SCUBE2: variants seen among roughly 807,000 people sequenced by gnomAD.
SCUBE2 encodes the protein signal peptide, CUB and EGF-like domain-containing protein 2.
A neutral mutation model predicts 125.9 loss-of-function variants in SCUBE2; 114 were observed. The ratio of observed to expected loss-of-function variants is 0.91; its 90% CI spans 0.78 to 1.06. The LOEUF (loss-of-function observed/expected upper bound fraction) is 1.06. Ranked by LOEUF, SCUBE2 falls within the 50% of genes least tolerant of loss-of-function variation. The pLI is 0.00. For missense variants in SCUBE2, 1,255 were observed against 1,301.8 expected, an observed-to-expected ratio of 0.96 and a Z score of 0.55; for synonymous variants, 459 against 492.9, an observed-to-expected ratio of 0.93 and a Z score of 0.91.
intron 4 of SCUBE2, among the ~76,000 whole-genome samples, chr11:9,070,577 A>G (rs6486128): frequency 0.042 from 6,326 of 152,248 alleles, 431 homozygotes; most frequent in African/African-American, 0.14. Context: ...GCTCTCTATC[A>G]ATGAGACACT....
At chr11:9,072,491 A>T (rs1411824845) in intron 4 of SCUBE2, among the ~76,000 whole-genome samples, 1 of 152,186 alleles carries the variant, frequency 6.6e-6, no homozygotes, top group African/African-American at 2.4e-5. Context: ...TACAGGTGTG[A>T]GCCACCACGT....
intron 4 of SCUBE2, among the ~76,000 whole-genome samples, chr11:9,072,196 TTTTGG>T (rs1464045837): frequency 6.6e-6 from 1 of 151,548 alleles, no homozygotes; most frequent in African/African-American, 2.4e-5. Context: ...TTTTGTTTTG[TTTTGG>T]TTTGTTTTGT....
In SCUBE2 at chr11:9,025,697, C is replaced by A; in HGVS notation, c.2854+5G>T. 1 of 1,614,000 alleles carries A rather than the reference C, an allele frequency of 6.2e-7. No homozygotes were observed. The highest frequency in any genetic ancestry group is 8.5e-7 in the Non-Finnish European group (1 of 1,179,924). ...CTCTTTCCATGTGCTGCAGGCTGTG[C>A]TTACCATCATATGTCACGTATGGGA... On this transcript the variant is annotated splice_donor_5th_base_variant and intron_variant, in intron 21 of 22. Coordinates refer to ENST00000649792, the MANE Select transcript of SCUBE2 (RefSeq NM_001367977.2).
intron 14 of SCUBE2, 49 bp downstream of exon 14, chr11:9,050,557 C>T (rs1337237709): frequency 6.8e-7 from 1 of 1,460,542 alleles, no homozygotes; most frequent in Non-Finnish European, 9.6e-7. Flanking sequence ...GCTGCAGGCC[C>T]CTTCCCACAT....
intron 16 of SCUBE2, among the ~76,000 whole-genome samples, chr11:9,036,580 A>T (rs1156773601): frequency 2.0e-5 from 3 of 152,222 alleles, no homozygotes; most frequent in Non-Finnish European, 1.5e-5. Context: ...TCATCCACGG[A>T]AGGGAAAGTG....
chr11:9,025,294 G>A (rs1421297161), intron 21 of SCUBE2, among the ~76,000 whole-genome samples: 1 of 152,146 alleles, frequency 6.6e-6, no homozygotes, highest in East Asian at 1.9e-4. Flanking sequence ...CTGAACAATT[G>A]CTATGTGCCA....
chr11:9,055,719 C>T (rs1859014041), intron 10 of SCUBE2, 74 bp downstream of exon 10: 3 of 1,182,392 alleles, frequency 2.5e-6, no homozygotes, highest in African/African-American at 1.5e-5. Flanking sequence ...GAAAGCAAAC[C>T]TCAGGGGTAG....
chr11:9,066,802 G>C lies in SCUBE2; in HGVS notation c.655C>G (p.His219Asp). The C allele has an allele frequency of 6.2e-7, 1 of 1,613,962 alleles. No individual in the cohort carries two copies. Among genetic ancestry groups the C allele is most frequent in the Non-Finnish European group, 8.5e-7 (1 of 1,179,838 alleles). ...GAGTGCTGGCACCCACCGTTCCCAT[G>C]GTTACAGGTCACTGACAGCAAAATG... ...NQRDCILTCN[H>D]GNGGCQHSCD... The change falls in exon 6 of 23, where the codon CAT (histidine) becomes GAT (aspartate). Residue 219 changes from histidine to aspartate, a missense_variant. Transcript: ENST00000649792.
At chr11:9,046,101 G>A (rs1857717157) in intron 16 of SCUBE2, among the ~76,000 whole-genome samples, 1 of 149,680 alleles carries the variant, frequency 6.7e-6, no homozygotes, top group Admixed American at 6.8e-5. Flanking sequence ...CCAACTCCCT[G>A]GTTCAAGGGA....
chr11:9,050,558 C>G, intron 14 of SCUBE2, 48 bp downstream of exon 14: 1 of 1,479,664 alleles, frequency 6.8e-7, no homozygotes, highest in Non-Finnish European at 9.4e-7. Context: ...CTGCAGGCCC[C>G]TTCCCACATG....
At chr11:9,051,225 T>TCTATCTATCTATCTATCTACCTACCTAC (rs755617422) in intron 13 of SCUBE2, among the ~76,000 whole-genome samples, 1 of 132,326 alleles carries the variant, frequency 7.6e-6, no homozygotes, top group African/African-American at 2.9e-5. Flanking sequence ...TATCTATCTA[T>TCTATCTATCTATCTATCTACCTACCTAC]CTACCTACCT....
At chr11:9,081,669 CAAACAA>C (rs1861652866) in intron 2 of SCUBE2, among the ~76,000 whole-genome samples, 1 of 143,050 alleles carries the variant, frequency 7.0e-6, no homozygotes, top group Non-Finnish European at 1.5e-5. Flanking sequence ...AACAAACAAA[CAAACAA>C]AAAAAAAAAA....
Position 9,065,838 on chromosome 11 carries a change from G to A in SCUBE2, c.850+53C>T. On this transcript the variant is annotated intron_variant, in intron 7 of 22. Transcript: ENST00000649792. ...AGTTCAGGTCTGATGCAATAAGTTG[G>A]GGAGGGAAAAGGACAATTGCAGTGG... The A allele has an allele frequency of 2.0e-6, 3 of 1,482,694 alleles. 1 individual carries two copies. In the South Asian group the frequency reaches 3.4e-5, roughly 17 times the overall value. 91.8% of individuals were successfully genotyped at this position (1,482,694 alleles called of 1,614,324 possible).
chr11:9,058,595 CAAAAAAAAAAAAAAAAAAA>C lies in SCUBE2; in HGVS notation c.1090+689_1090+707del, dbSNP rs61409328. On this transcript the variant is annotated intron_variant, in intron 9 of 22. Transcript: ENST00000649792. ...TGGGTGACAGAGCGAGACTCTGTCT[CAAAAAAAAAAAAAAAAAAA>C]AAAAAAAAAAAAAAAATTCAGAAAT... Among the ~76,000 whole-genome samples the C allele has an allele frequency of 1.6e-3, 71 of 44,326 alleles. 1 individual carries two copies. Among genetic ancestry groups the C allele is most frequent in the Non-Finnish European group, 2.4e-3 (62 of 25,388 alleles). 29.1% of individuals were successfully genotyped at this position (44,326 alleles called of 152,430 possible).
chr11:9,038,094 C>T (rs1326577443), intron 16 of SCUBE2, among the ~76,000 whole-genome samples: 3 of 135,944 alleles, frequency 2.2e-5, no homozygotes, highest in East Asian at 2.2e-4. Flanking sequence ...TGCTGAGTAC[C>T]GTTCTAGGAG....
At chr11:9,057,397 TAAG>T (rs1488459600) in intron 9 of SCUBE2, 3 of 152,118 alleles carry the variant, frequency 2.0e-5, no homozygotes, top group African/African-American at 7.2e-5. Context: ...AATTATGCAT[TAAG>T]AACAAACCAA....
intron 2 of SCUBE2, among the ~76,000 whole-genome samples, chr11:9,083,744 C>T (rs1861840855): frequency 6.6e-6 from 1 of 151,822 alleles, no homozygotes; most frequent in Admixed American, 6.6e-5. Context: ...GTTTCACTAT[C>T]TTGGCCAGGC....
At position 9,052,685 on chromosome 11, in the gene SCUBE2, G is replaced by A. The variant is rs546704173; in HGVS notation, c.1534+61C>T. ...AGCCAATGTCCAAGAACAGCACCCC[G>A]TGAATGAAGCCCCTTGAACACAGTG... On this transcript the variant is annotated intron_variant, in intron 13 of 22. Coordinates refer to ENST00000649792, the MANE Select transcript of SCUBE2 (RefSeq NM_001367977.2). 1.8e-4 allele frequency: 227 copies of A among 1,242,388 alleles called. 1 individual carries two copies. In the South Asian group the frequency reaches 2.5e-3, roughly 14 times the overall value. 77.0% of individuals were successfully genotyped at this position (1,242,388 alleles called of 1,614,324 possible).
chr11:9,022,939 C>T (rs1855433496), intron 21 of SCUBE2, among the ~76,000 whole-genome samples: 1 of 152,086 alleles, frequency 6.6e-6, no homozygotes, highest in Admixed American at 6.6e-5. Flanking sequence ...ACTCTTCTCT[C>T]CTTTATTTGA....
Sources: allele counts gnomAD v4.1 joint callset (sites outside exome capture counted in the v4.1 genomes callset), GRCh38; gene constraint gnomAD v4.1.1; transcripts MANE v1.5; gene names NCBI Gene and HGNC (gene_info 2026-07-23, HGNC 2026-07-21).